Variants in PUDP observed in about 807,000 individuals in gnomAD.
The protein encoded by PUDP is pseudouridine-5'-phosphatase.
A neutral mutation model predicts 9.4 loss-of-function variants in PUDP; 8 were observed. The observed-to-expected ratio is 0.85, with a 90% CI of 0.50 to 1.53. The LOEUF (loss-of-function observed/expected upper bound fraction) is 1.53. Ranked by LOEUF, PUDP falls within the 40% of genes most tolerant of loss-of-function variation. The pLI, the probability that PUDP is intolerant of heterozygous loss-of-function variation, is 0.00. For missense variants in PUDP, 188 were observed against 189.7 expected, an observed-to-expected ratio of 0.99 and a Z score of 0.05; for synonymous variants, 99 against 80.7, an observed-to-expected ratio of 1.23 and a Z score of -1.22.
chrX:7,083,543 G>A (rs182349774), intron 2 of PUDP, among the ~76,000 whole-genome samples: 3 of 111,398 alleles, frequency 2.7e-5, no homozygotes, highest in East Asian at 2.8e-4. Flanking sequence ...TCTGGGATGC[G>A]GTTCAAGACA....
chrX:6,777,724 C>T (rs771621554), intron 3 of PUDP, among the ~76,000 whole-genome samples: 2 of 112,008 alleles, frequency 1.8e-5, no homozygotes, highest in African/African-American at 6.5e-5. Flanking sequence ...AACAAGTCAA[C>T]AAGCAAGCAG....
chrX:7,008,148 T>C (rs1929428313), intron 1 of PUDP, among the ~76,000 whole-genome samples: 1 of 109,026 alleles, frequency 9.2e-6, no homozygotes, highest in South Asian at 4.1e-4. Context: ...GTATTTTTAG[T>C]AGAGACGGGG....
chrX:7,147,989 G>A, intron 1 of PUDP, 64 bp downstream of exon 1: 1 of 901,676 alleles, frequency 1.1e-6, no homozygotes, highest in Non-Finnish European at 1.5e-6. Context: ...CGTACCCCGC[G>A]CCGACCGTCC....
intron 2 of PUDP, among the ~76,000 whole-genome samples, chrX:7,081,806 C>A: frequency 8.9e-6 from 1 of 112,943 alleles, no homozygotes; most frequent in East Asian, 2.8e-4. Context: ...ACAAGAAGAA[C>A]AATGCCTGGA....
chrX:7,071,774 T>C (rs1032798271), intron 3 of PUDP, among the ~76,000 whole-genome samples: 9 of 66,505 alleles, frequency 1.4e-4, no homozygotes, highest in African/African-American at 4.3e-4. Flanking sequence ...GAATGTACTC[T>C]CTATTTTTTT....
At chrX:7,056,248 G>A (rs1273421119) in intron 3 of PUDP, among the ~76,000 whole-genome samples, 1 of 112,366 alleles carries the variant, frequency 8.9e-6, no homozygotes, top group Admixed American at 9.4e-5. Flanking sequence ...TTGCTCCTTT[G>A]AGGGTGGTGG....
At chrX:6,714,993 ATG>A (rs775165133) in intron 1 of PUDP, among the ~76,000 whole-genome samples, 2,574 of 104,766 alleles carry the variant, frequency 0.025, 28 homozygotes, top group Non-Finnish European at 0.03. Flanking sequence ...ATATATATAT[ATG>A]TGTGTGTGTG....
intron 3 of PUDP, among the ~76,000 whole-genome samples, chrX:6,817,490 G>C (rs765607735): frequency 2.7e-5 from 3 of 111,711 alleles, no homozygotes; most frequent in Admixed American, 9.5e-5. Flanking sequence ...ATTCCTTGAG[G>C]TTTCTGCAAA....
chrX:6,986,416 T>C (rs1435343282), intron 1 of PUDP, among the ~76,000 whole-genome samples: 1 of 111,306 alleles, frequency 9.0e-6, no homozygotes, highest in Non-Finnish European at 1.9e-5. Flanking sequence ...ACCTACCACC[T>C]CCAACCCCAC....
rs370732538 is a variant in PUDP, at chrX:7,077,436, G to T, written c.294C>A (p.Leu98=). 2.3e-5 allele frequency: 28 copies of T among 1,206,572 alleles called. No individual in the cohort carries two copies. The African/African-American group carries it at 2.8e-4, about 12-fold the overall frequency. Residue 98 remains leucine, a synonymous_variant, in exon 3 of 4, where the codon CTC becomes CTA. Coordinates refer to ENST00000381077, the MANE Select transcript of PUDP (RefSeq NM_012080.5). ...TAALMPGAEK[L]IIHLRKHGIP... is the part of the protein sequence containing the mutation. ...TGCCATGTTTCCGCAGGTGGATGAT[G>T]AGTTTCTCCGCCCCTGGGGAGGAGG...
intron 1 of PUDP, among the ~76,000 whole-genome samples, chrX:7,010,505 T>C (rs952015100): frequency 2.7e-5 from 3 of 112,013 alleles, no homozygotes; most frequent in Non-Finnish European, 5.6e-5. Context: ...TCAGCAGATG[T>C]GCAGAGCCTC....
At chrX:7,019,429 G>T (rs1031786054) in intron 1 of PUDP, among the ~76,000 whole-genome samples, 1 of 112,031 alleles carries the variant, frequency 8.9e-6, no homozygotes, top group African/African-American at 3.2e-5. Context: ...AAGCTGTCTT[G>T]TATGGGGCGA....
At chrX:6,763,446 A>G (rs1925251215) in intron 3 of PUDP, among the ~76,000 whole-genome samples, 1 of 112,242 alleles carries the variant, frequency 8.9e-6, no homozygotes. Flanking sequence ...TTTTATTAGA[A>G]CACAACCACA....
intron 1 of PUDP, among the ~76,000 whole-genome samples, chrX:6,991,385 A>T (rs760833876): frequency 2.2e-4 from 24 of 111,220 alleles, no homozygotes; most frequent in Middle Eastern, 4.7e-3. Flanking sequence ...CTTTAAAAAA[A>T]TTTTTTTTAA....
intron 1 of PUDP, among the ~76,000 whole-genome samples, chrX:6,984,095 T>A (rs984437005): frequency 8.0e-5 from 9 of 112,462 alleles, no homozygotes; most frequent in African/African-American, 2.9e-4. Context: ...TAAGATGATG[T>A]CAGCTAGGTC....
downstream of PUDP, among the ~76,000 whole-genome samples, chrX:7,047,712 CAA>C (rs745608038): frequency 5.3e-5 from 6 of 112,494 alleles, no homozygotes; most frequent in East Asian, 8.4e-4. Flanking sequence ...GCTTGTGAGA[CAA>C]AGAGTCTCAT....
intron 3 of PUDP, among the ~76,000 whole-genome samples, chrX:6,795,813 A>C (rs1324932935): frequency 9.0e-6 from 1 of 111,710 alleles, no homozygotes; most frequent in Non-Finnish European, 1.9e-5. Context: ...GACTCTTTGA[A>C]TAAATGAGAA....
chrX:6,868,672 G>T (rs1401431689), intron 3 of PUDP, among the ~76,000 whole-genome samples: 1 of 112,154 alleles, frequency 8.9e-6, no homozygotes, highest in East Asian at 2.8e-4. Context: ...TAAGTAGAAA[G>T]CCTACTTTAT....
intron 1 of PUDP, among the ~76,000 whole-genome samples, chrX:6,993,656 T>C (rs947304027): frequency 2.7e-5 from 3 of 112,256 alleles, no homozygotes; most frequent in Non-Finnish European, 5.6e-5. Context: ...TGGGGAAAAA[T>C]AGCCACATAG....
Sources: gnomAD v4.1 joint callset for allele counts (sites outside exome capture counted in the v4.1 genomes callset) on GRCh38, gnomAD v4.1.1 for gene constraint, MANE v1.5 for transcripts, NCBI Gene and HGNC (gene_info 2026-07-23, HGNC 2026-07-21) for gene names.